Variants in TEX101 observed in about 807,000 individuals in gnomAD.
The protein encoded by TEX101 is testis-expressed protein 101.
Under a neutral mutation model 18.1 loss-of-function variants are expected in TEX101, and 10 were observed. The ratio of observed to expected loss-of-function variants is 0.55; its 90% CI spans 0.34 to 0.94. The LOEUF (loss-of-function observed/expected upper bound fraction) is 0.94, where lower values mean the gene tolerates loss of function less well. Among genes scored for constraint, TEX101 ranks in the 40% least tolerant of loss-of-function variants. The pLI is 0.02. For missense variants in TEX101, 259 were observed against 298.9 expected (o/e 0.87, Z 0.98); for synonymous variants, 94 against 114.8 (o/e 0.82, Z 1.16).
Position 43,406,312 on chromosome 19 carries a change from G to A in TEX101, c.-193G>A, listed in dbSNP as rs545095637. Reference sequence around the variant, plus strand: ...CCTCTTAAAAGAGCCAATGCCCCATGTAATTAGTGACGCGCGCGAATGGAT... The same window carrying A: ...CCTCTTAAAAGAGCCAATGCCCCATATAATTAGTGACGCGCGCGAATGGAT... On this transcript the variant is annotated 5_prime_UTR_variant, in exon 3 of 8. Transcript: ENST00000602198. 72 of 554,716 alleles carry A rather than the reference G, an allele frequency of 1.3e-4. No individual in the cohort carries two copies. The African/African-American group carries it at 1.3e-3, about 10-fold the overall frequency. The allele number at this position is 554,716 out of a possible 1,614,324, so 34.4% of individuals were successfully genotyped here.
At chr19:43,389,211 A>C in the TEX101 span, among the ~76,000 whole-genome samples, 3 of 152,182 alleles carry the variant, frequency 2.0e-5, no homozygotes, top group Non-Finnish European at 4.4e-5. Flanking sequence ...ACCAGTACAC[A>C]TGGGGAATGT....
the TEX101 span, among the ~76,000 whole-genome samples, chr19:43,388,674 C>A: frequency 6.6e-6 from 1 of 152,148 alleles, no homozygotes; most frequent in Non-Finnish European, 1.5e-5. Context: ...AACGAGTCAC[C>A]GTGTATCTGG....
At chr19:43,390,033 C>T in the TEX101 span, among the ~76,000 whole-genome samples, 1 of 152,186 alleles carries the variant, frequency 6.6e-6, no homozygotes. Context: ...TCCAGAGCTC[C>T]CAAGTCCCTG....
At chr19:43,392,874 A>G in the TEX101 span, among the ~76,000 whole-genome samples, 2 of 152,132 alleles carry the variant, frequency 1.3e-5, no homozygotes, top group African/African-American at 4.8e-5. Context: ...CCTGGCCAAC[A>G]TGGTGAAACC....
chr19:43,396,250 T>C, the TEX101 span, among the ~76,000 whole-genome samples: 1 of 152,216 alleles, frequency 6.6e-6, no homozygotes, highest in African/African-American at 2.4e-5. Flanking sequence ...CAAACTGGCC[T>C]GCCTGGGGCG....
chr19:43,399,755 T>C (rs1384228281), upstream of TEX101, among the ~76,000 whole-genome samples: 2 of 152,016 alleles, frequency 1.3e-5, no homozygotes, highest in African/African-American at 4.8e-5. Context: ...GCTCGAAATG[T>C]CCCACCTTTG....
upstream of TEX101, among the ~76,000 whole-genome samples, chr19:43,413,298 G>A (rs1970435628): frequency 6.6e-6 from 1 of 151,854 alleles, no homozygotes; most frequent in Admixed American, 6.6e-5. Context: ...TCAGGAGATC[G>A]AGACCATCCT....
At chr19:43,406,687 T>C (rs908785064) in intron 3 of TEX101, among the ~76,000 whole-genome samples, 1 of 152,170 alleles carries the variant, frequency 6.6e-6, no homozygotes, top group African/African-American at 2.4e-5. Flanking sequence ...GACACACGTC[T>C]GAACGCAGAT....
intron 3 of TEX101, among the ~76,000 whole-genome samples, chr19:43,408,247 C>T (rs1160791324): frequency 6.6e-6 from 1 of 152,212 alleles, no homozygotes; most frequent in Non-Finnish European, 1.5e-5. Flanking sequence ...GGGCCGCCCC[C>T]GCAGCGTCCT....
At chr19:43,415,791 C>A in intron 1 of TEX101, 90 bp from the exon 2 acceptor site, 2 of 1,139,560 alleles carry the variant, frequency 1.8e-6, no homozygotes, top group Non-Finnish European at 2.6e-6. Flanking sequence ...TAAAACACCC[C>A]ACCCTGAAGT....
At position 43,418,292 on chromosome 19, in the gene TEX101, T is replaced by C; in HGVS notation, c.645T>C (p.Thr215=). ...VREACPHQLL[T]QPRKTENGAT... ...AAGCGTGCCCACATCAGCTGCTCACTCAACCTCGAAAGACTGAAAATGGGG... is the reference window on the plus strand; with the variant it reads ...AAGCGTGCCCACATCAGCTGCTCACCCAACCTCGAAAGACTGAAAATGGGG... The change falls in exon 6 of 6, where the codon ACT becomes ACC. Residue 215 remains threonine (T), a synonymous_variant. Transcript: ENST00000598265. The C allele has an allele frequency of 6.2e-7, 1 of 1,614,176 alleles. No homozygotes were observed. The highest frequency in any genetic ancestry group is 8.5e-7 in the Non-Finnish European group (1 of 1,180,014).
chr19:43,395,532 C>T, the TEX101 span, among the ~76,000 whole-genome samples: 2 of 152,236 alleles, frequency 1.3e-5, no homozygotes, highest in African/African-American at 4.8e-5. Flanking sequence ...TGAGCCCCTG[C>T]TCTGTGCCAA....
chr19:43,414,704 G>A (rs948525004), upstream of TEX101, among the ~76,000 whole-genome samples: 9 of 152,240 alleles, frequency 5.9e-5, no homozygotes, highest in Middle Eastern at 3.4e-3. Context: ...AGGATCTTCC[G>A]GCCGGTTTGC....
chr19:43,413,436 A>G (rs538772168), upstream of TEX101, among the ~76,000 whole-genome samples: 1 of 149,968 alleles, frequency 6.7e-6, no homozygotes, highest in African/African-American at 2.5e-5. Context: ...CGGGAGGCAG[A>G]GCTTGCAGTG....
At chr19:43,417,199 C>T (rs1402973597) in intron 4 of TEX101, among the ~76,000 whole-genome samples, 3 of 152,072 alleles carry the variant, frequency 2.0e-5, no homozygotes, top group Admixed American at 6.6e-5. Context: ...GCTTCATTTC[C>T]CTCTCTTCCC....
At chr19:43,415,311 C>T (rs1022611264) in intron 1 of TEX101, among the ~76,000 whole-genome samples, 4 of 152,064 alleles carry the variant, frequency 2.6e-5, no homozygotes, top group East Asian at 1.9e-4. Flanking sequence ...GCCTTCAGGG[C>T]CACACTCCTG....
chr19:43,416,321 G>A (rs990745025), intron 3 of TEX101, 52 bp from the exon 4 acceptor site: 2 of 1,589,060 alleles, frequency 1.3e-6, no homozygotes, highest in Admixed American at 3.4e-5. Flanking sequence ...CCTTCGTCCA[G>A]GCCAATTGTG....
At chr19:43,402,503 A>G (rs1364365814) in intron 1 of TEX101, among the ~76,000 whole-genome samples, 2 of 152,188 alleles carry the variant, frequency 1.3e-5, no homozygotes, top group Non-Finnish European at 2.9e-5. Context: ...TGGATGTAAA[A>G]AGTCGGGAAT....
chr19:43,408,016 C>T (rs757007741), intron 3 of TEX101, among the ~76,000 whole-genome samples: 1 of 152,212 alleles, frequency 6.6e-6, no homozygotes. Flanking sequence ...GGCGTGTGTC[C>T]GCTTCGCAGC....
Sources: gnomAD v4.1 joint callset for allele counts (sites outside exome capture counted in the v4.1 genomes callset) on GRCh38, gnomAD v4.1.1 for gene constraint, MANE v1.5 for transcripts, NCBI Gene and HGNC (gene_info 2026-07-23, HGNC 2026-07-21) for gene names.